FBXO31: variants seen among roughly 807,000 people sequenced by gnomAD.
FBXO31 encodes F-box protein 31, also known as F-box only protein 31.
FBXO31 carries 24 observed loss-of-function variants against 54.4 expected under a neutral mutation model. That is an observed-to-expected ratio of 0.44 (90% CI 0.32 to 0.62). FBXO31 has a LOEUF of 0.62. Among genes scored for constraint, FBXO31 ranks in the 20% least tolerant of loss-of-function variants. The pLI is 0.05. For synonymous variants in FBXO31, 388 were observed against 335.6 expected, an observed-to-expected ratio of 1.16 and a Z score of -1.71; for missense variants, 665 against 787.1, an observed-to-expected ratio of 0.84 and a Z score of 1.86.
intron 3 of FBXO31, 34 bp downstream of exon 3, chr16:87,347,140 T>A: frequency 1.9e-6 from 3 of 1,597,722 alleles, no homozygotes; most frequent in Non-Finnish European, 1.7e-6. Context: ...CTCCTGCCCG[T>A]GCACAGACCT....
chr16:87,368,189 A>C (rs917610963), intron 1 of FBXO31, among the ~76,000 whole-genome samples: 1 of 152,242 alleles, frequency 6.6e-6, no homozygotes, highest in African/African-American at 2.4e-5. Flanking sequence ...TAATGAATAC[A>C]ACAATCCTTA....
At chr16:87,350,241 A>T (rs541823703) in intron 2 of FBXO31, among the ~76,000 whole-genome samples, 157 of 152,272 alleles carry the variant, frequency 1.0e-3, no homozygotes, top group Non-Finnish European at 1.9e-3. Flanking sequence ...GGCAGCAAGT[A>T]GGTCGCCACC....
At chr16:87,360,199 G>C in intron 2 of FBXO31, 96 bp downstream of exon 2, 2 of 1,181,488 alleles carry the variant, frequency 1.7e-6, no homozygotes, top group Non-Finnish European at 2.5e-6. Flanking sequence ...GAAAACAAAA[G>C]TGTGGACTAA....
chr16:87,344,739 C>T (rs146195126), intron 3 of FBXO31, among the ~76,000 whole-genome samples: 100 of 152,312 alleles, frequency 6.6e-4, no homozygotes, highest in Non-Finnish European at 1.0e-3. Context: ...TGTGAGCTGC[C>T]GGGCTGGTCT....
intron 8 of FBXO31, among the ~76,000 whole-genome samples, chr16:87,332,692 C>T (rs974689076): frequency 4.0e-5 from 6 of 150,578 alleles, no homozygotes; most frequent in African/African-American, 1.2e-4. Context: ...AAACCCCCTC[C>T]GGGAGCTGGG....
intron 1 of FBXO31, among the ~76,000 whole-genome samples, chr16:87,362,131 A>T (rs1906160270): frequency 6.6e-6 from 1 of 152,240 alleles, no homozygotes; most frequent in African/African-American, 2.4e-5. Flanking sequence ...CTGATTCCAG[A>T]TCTAGGCCGG....
intron 1 of FBXO31, among the ~76,000 whole-genome samples, chr16:87,382,955 A>T (rs1597382112): frequency 6.6e-6 from 1 of 151,618 alleles, no homozygotes; most frequent in African/African-American, 2.4e-5. Flanking sequence ...CTTCAAGTTC[A>T]CCTCGTCTCT....
intron 1 of FBXO31, among the ~76,000 whole-genome samples, chr16:87,381,307 C>G (rs11640172): frequency 4.6e-4 from 70 of 152,122 alleles, no homozygotes; most frequent in Non-Finnish European, 8.1e-4. Flanking sequence ...CAAAAAAAGC[C>G]ACAAATAAGG....
intron 5 of FBXO31, among the ~76,000 whole-genome samples, chr16:87,339,342 G>T (rs180928488): frequency 3.6e-4 from 55 of 152,216 alleles, no homozygotes; most frequent in Admixed American, 1.5e-3. Flanking sequence ...TAGTGGAGAG[G>T]AGCTCCCAGC....
At chr16:87,384,410 C>T (rs1349260002), upstream of FBXO31, among the ~76,000 whole-genome samples, 1 of 152,166 alleles carries the variant, frequency 6.6e-6, no homozygotes, top group Non-Finnish European at 1.5e-5. Flanking sequence ...GGAGGGGCGG[C>T]GGCCGGCGCG....
chr16:87,343,560 C>T, intron 4 of FBXO31, 38 bp downstream of exon 4: 2 of 1,562,728 alleles, frequency 1.3e-6, no homozygotes, highest in South Asian at 2.3e-5. Flanking sequence ...CAGGACAGCC[C>T]TGGGACAGTG....
intron 1 of FBXO31, among the ~76,000 whole-genome samples, chr16:87,374,989 C>T (rs1462142800): frequency 2.0e-5 from 3 of 152,122 alleles, no homozygotes; most frequent in African/African-American, 7.2e-5. Context: ...TCAAGACTAG[C>T]CTGGCCAACA....
chr16:87,350,728 A>AG (rs963052876), intron 2 of FBXO31, among the ~76,000 whole-genome samples: 2 of 152,014 alleles, frequency 1.3e-5, no homozygotes, highest in Non-Finnish European at 2.9e-5. Context: ...GGGTTAAAAA[A>AG]AAAACACTAT....
chr16:87,374,139 G>A (rs1427154748), intron 1 of FBXO31, among the ~76,000 whole-genome samples: 1 of 152,044 alleles, frequency 6.6e-6, no homozygotes, highest in Non-Finnish European at 1.5e-5. Flanking sequence ...CTACTTGAGA[G>A]GCTAAGGCAG....
chr16:87,351,613 A>T (rs1380532704), intron 2 of FBXO31, among the ~76,000 whole-genome samples: 1 of 152,192 alleles, frequency 6.6e-6, no homozygotes, highest in Non-Finnish European at 1.5e-5. Context: ...TCAAGCCTAT[A>T]ATCCCAGAAC....
At position 87,331,153 on chromosome 16, in the gene FBXO31, G is replaced by A. The variant is rs1323186090; in HGVS notation, c.*135C>T. The A allele has an allele frequency of 5.3e-6, 4 of 750,794 alleles. No homozygotes were observed. Among genetic ancestry groups the A allele is most frequent in the Non-Finnish European group, 8.8e-6 (4 of 452,962 alleles). The allele number at this position is 750,794 out of a possible 1,614,324, so 46.5% of individuals were successfully genotyped here. A position where few individuals can be genotyped will look rare whatever the true frequency, so the allele number is the denominator to read the frequency against. On this transcript the variant is annotated 3_prime_UTR_variant, in exon 9 of 9. Transcript: ENST00000311635. Reference sequence around the variant, plus strand: ...TCTCTACATAAAGTGCTGGGGGGTGGCTGGACTGGGCCCCCCGACGAGGTG... The same window carrying A: ...TCTCTACATAAAGTGCTGGGGGGTGACTGGACTGGGCCCCCCGACGAGGTG...
chr16:87,361,655 G>C (rs1226629670), intron 1 of FBXO31, among the ~76,000 whole-genome samples: 1 of 152,208 alleles, frequency 6.6e-6, no homozygotes, highest in Non-Finnish European at 1.5e-5. Flanking sequence ...CATGCCTTTT[G>C]ATAAGCCCTA....
At chr16:87,364,204 C>T (rs138247048) in intron 1 of FBXO31, among the ~76,000 whole-genome samples, 3 of 152,368 alleles carry the variant, frequency 2.0e-5, no homozygotes, top group Non-Finnish European at 4.4e-5. Context: ...AACAGGGACT[C>T]CACCAGGCCA....
In FBXO31 at chr16:87,378,084, G is replaced by C. The variant is rs556408109; in HGVS notation, c.340+5321C>G. Among the ~76,000 whole-genome samples the C allele has an allele frequency of 4.0e-3, 612 of 151,648 alleles. 1 individual carries two copies. The highest frequency in any genetic ancestry group is 0.014 in the African/African-American group (579 of 41,388). ...TGAGGCAGGAGAACTGCTTGAACCC[G>C]GGAGGCAGAGGTTGCGGTGAGCCAA... On this transcript the variant is annotated intron_variant, in intron 1 of 8. Coordinates refer to ENST00000311635, the MANE Select transcript of FBXO31 (RefSeq NM_024735.5).
Sources: allele counts gnomAD v4.1 joint callset (sites outside exome capture counted in the v4.1 genomes callset), GRCh38; gene constraint gnomAD v4.1.1; transcripts MANE v1.5; gene names NCBI Gene and HGNC (gene_info 2026-07-23, HGNC 2026-07-21).